The following SYTL2 variants were observed in gnomAD, a reference collection of about 807,000 sequenced individuals.
SYTL2 encodes the protein synaptotagmin like 2.
In SYTL2, 165 loss-of-function variants were observed where a neutral mutation model predicts 198.7. The ratio of observed to expected loss-of-function variants is 0.83; its 90% CI spans 0.73 to 0.94. SYTL2 has a LOEUF of 0.94. SYTL2 is among the 40% of genes least tolerant of loss of function. The pLI is 0.00. For synonymous variants in SYTL2, 966 were observed against 917.7 expected (o/e 1.05, Z -0.95); for missense variants, 2,835 against 2,582.8 (o/e 1.10, Z -2.12).
At chr11:85,696,453 C>G (rs1400599800) in intron 18 of SYTL2, 65 bp from the exon 19 acceptor site, 2 of 1,217,602 alleles carry the variant, frequency 1.6e-6, no homozygotes, top group Non-Finnish European at 2.4e-6. Flanking sequence ...GCTTTCAATA[C>G]ATAACAACAC....
At chr11:85,751,312 A>G (rs1446547046) in intron 2 of SYTL2, among the ~76,000 whole-genome samples, 1 of 152,196 alleles carries the variant, frequency 6.6e-6, no homozygotes, top group Non-Finnish European at 1.5e-5. Flanking sequence ...GTAAAGATGT[A>G]GATCATTTTT....
At position 85,726,084 on chromosome 11, in the gene SYTL2, C is replaced by T; in HGVS notation, c.3274G>A (p.Glu1092Lys). 6.2e-7 allele frequency: 1 copy of T among 1,613,574 alleles called. No individual in the cohort carries two copies. ...PGNESSKENV[E>K]KNTEGIVTPV... ...GTAACAATCCCTTCCGTATTCTTTT[C>T]CACATTTTCCTTTGATGACTCATTT... The change falls in exon 8 of 20, where the codon GAA (glutamate) becomes AAA (lysine). Residue 1092 changes from glutamate to lysine, a missense_variant. This residue lies in a region of SYTL2 where 2,645 missense variants were observed against 2,381.7 expected (regional missense o/e 1.11). Transcript: ENST00000359152.
rs375941893 is a variant in SYTL2 at position 85,725,948 on chromosome 11, T to C, written c.3410A>G (p.Gln1137Arg). The C allele has an allele frequency of 1.1e-5, 17 of 1,614,074 alleles. No homozygotes were observed. The highest frequency in any genetic ancestry group is 1.4e-5 in the Non-Finnish European group (16 of 1,180,030). Residue 1137 changes from glutamine (Q) to arginine (R), a missense_variant, in exon 8 of 20, where the codon CAG becomes CGG. Gln to Arg is a conservative substitution (Grantham distance 43). This residue lies in a region of SYTL2 where 2,645 missense variants were observed against 2,381.7 expected (regional missense o/e 1.11). Coordinates refer to ENST00000359152, the MANE Select transcript of SYTL2 (RefSeq NM_206927.4). ...TGTTGAGGTTTCTGAAAGCAGTTTC[T>C]GCAAGCTGTCATTAAAAGTGTCTTT... ...DCKDTFNDSLQKLLSETSTPA... is the reference protein window; with the variant it reads ...DCKDTFNDSLRKLLSETSTPA...
Position 85,724,315 on chromosome 11 carries a change from G to A in SYTL2, c.5043C>T (p.Pro1681=). Residue 1681 remains proline (P), a synonymous_variant, in exon 8 of 20, where the codon CCC becomes CCT. Transcript: ENST00000359152. ...CACTTTCACTGTCCCTGTCCTCTGG[G>A]GGGGTTACAGTTTTAATGGTCCCTA... ...HEIGTIKTVT[P]PEDRDSESGV... 1 of 1,578,196 alleles carries A rather than the reference G, an allele frequency of 6.3e-7. No homozygotes were observed. The highest frequency in any genetic ancestry group is 8.6e-7 in the Non-Finnish European group (1 of 1,165,380).
At chr11:85,715,745 CAAT>C (rs1265098007) in intron 11 of SYTL2, among the ~76,000 whole-genome samples, 7 of 152,146 alleles carry the variant, frequency 4.6e-5, no homozygotes, top group Non-Finnish European at 1.0e-4. Flanking sequence ...CATGAAACAA[CAAT>C]GTGTGTGTAT....
chr11:85,850,305 C>G, the SYTL2 span, among the ~76,000 whole-genome samples: 1 of 151,908 alleles, frequency 6.6e-6, no homozygotes, highest in African/African-American at 2.4e-5. Flanking sequence ...ATTGCCCTGG[C>G]CAGAACTTCC....
chr11:85,763,000 C>T (rs188735973), intron 1 of SYTL2, among the ~76,000 whole-genome samples: 12 of 152,162 alleles, frequency 7.9e-5, no homozygotes, highest in Non-Finnish European at 1.5e-4. Flanking sequence ...CTTCTATTTC[C>T]CCCTGAACAT....
chr11:85,783,892 T>G (rs2092599737), intron 1 of SYTL2, among the ~76,000 whole-genome samples: 1 of 152,154 alleles, frequency 6.6e-6, no homozygotes, highest in Non-Finnish European at 1.5e-5. Context: ...TCTTGCTCCT[T>G]TCTCTATGAT....
At position 85,750,904 on chromosome 11, in the gene SYTL2, A is replaced by G. The variant is rs536737952; in HGVS notation, c.102-2481T>C. Among the ~76,000 whole-genome samples, 9 of 152,304 alleles carry G rather than the reference A, an allele frequency of 5.9e-5. 1 individual carries two copies. In the South Asian group the frequency reaches 1.9e-3, roughly 32 times the overall value. On this transcript the variant is annotated intron_variant, in intron 2 of 19. Transcript: ENST00000359152. ...GTTGAAGGAGGCCACAAACCCTTAT[A>G]GCAGAACAACACCCAATTTCTTTTC...
chr11:85,741,055 T>C (rs2090748665), intron 4 of SYTL2, among the ~76,000 whole-genome samples: 1 of 151,754 alleles, frequency 6.6e-6, no homozygotes, highest in South Asian at 2.1e-4. Flanking sequence ...TAGTAGCAGA[T>C]ATGCCTTTTT....
chr11:85,804,047 A>C lies in SYTL2; in HGVS notation c.-390+6907T>G, dbSNP rs1169545223. On this transcript the variant is annotated intron_variant, in intron 1 of 19. Coordinates refer to ENST00000359152, the MANE Select transcript of SYTL2 (RefSeq NM_206927.4). ...AAATTATGTGATTTACCTGTATTCAACTTCCTAAACACAACACTTCAGTTA... is the reference window on the plus strand; with the variant it reads ...AAATTATGTGATTTACCTGTATTCACCTTCCTAAACACAACACTTCAGTTA... Among the ~76,000 whole-genome samples, 4 of 152,246 alleles carry C rather than the reference A, an allele frequency of 2.6e-5. No homozygotes were observed. In the East Asian group the frequency reaches 7.7e-4, roughly 29 times the overall value.
At chr11:85,805,935 G>C (rs773392318) in intron 1 of SYTL2, among the ~76,000 whole-genome samples, 9 of 152,168 alleles carry the variant, frequency 5.9e-5, no homozygotes, top group Non-Finnish European at 1.2e-4. Context: ...ATTAGGAAAT[G>C]CTCTTATTTT....
At chr11:85,717,106 C>T (rs499049) in intron 11 of SYTL2, 155,792 of 156,038 alleles carry the variant, frequency 1, 77,776 homozygotes, top group Middle Eastern at 1. Flanking sequence ...CAGTTTCGTA[C>T]AGAGGCCACA....
the SYTL2 span, among the ~76,000 whole-genome samples, chr11:85,838,309 T>C: frequency 6.6e-6 from 1 of 152,194 alleles, no homozygotes; most frequent in African/African-American, 2.4e-5. Flanking sequence ...TGGGAGATAG[T>C]ATGTATCCAT....
chr11:85,785,963 C>A (rs564324769), intron 1 of SYTL2, among the ~76,000 whole-genome samples: 77 of 152,178 alleles, frequency 5.1e-4, no homozygotes, highest in Non-Finnish European at 8.5e-4. Context: ...CCTGTTCATT[C>A]CAGCTTTATT....
At chr11:85,701,271 A>G (rs933355360) in intron 16 of SYTL2, among the ~76,000 whole-genome samples, 2 of 152,226 alleles carry the variant, frequency 1.3e-5, no homozygotes, top group South Asian at 4.1e-4. Context: ...TCTAAACACA[A>G]AATTCATTTA....
Position 85,725,608 on chromosome 11 carries a change from T to C in SYTL2, c.3750A>G (p.Gly1250=). 1 of 1,614,130 alleles carries C rather than the reference T, an allele frequency of 6.2e-7. No individual in the cohort carries two copies. Among genetic ancestry groups the C allele is most frequent in the Non-Finnish European group, 8.5e-7 (1 of 1,180,028 alleles). ...TATTGTGACTCTGTTCTATCCCTTTTCCAAAAAATCTCCCCTCTTCCAGCT... is the reference window on the plus strand; with the variant it reads ...TATTGTGACTCTGTTCTATCCCTTTCCCAAAAAATCTCCCCTCTTCCAGCT... The part of the protein sequence containing the change: ...NSKLEEGRFF[G]KGIEQSHNTS... Residue 1250 remains glycine (G), a synonymous_variant, in exon 8 of 20, where the codon GGA becomes GGG. Coordinates refer to ENST00000359152, the MANE Select transcript of SYTL2 (RefSeq NM_206927.4).
intron 4 of SYTL2, among the ~76,000 whole-genome samples, chr11:85,745,205 T>C (rs1021359005): frequency 1.3e-5 from 2 of 152,190 alleles, no homozygotes; most frequent in African/African-American, 4.8e-5. Flanking sequence ...GATTCGGCAA[T>C]TGAATTCACA....
intron 4 of SYTL2, among the ~76,000 whole-genome samples, chr11:85,744,721 C>A (rs2091030794): frequency 6.6e-6 from 1 of 152,156 alleles, no homozygotes; most frequent in African/African-American, 2.4e-5. Context: ...CCAGTAAATT[C>A]ATCAACTTCA....
Sources: gnomAD v4.1 joint callset for allele counts (sites outside exome capture counted in the v4.1 genomes callset) on GRCh38, gnomAD v4.1.1 for gene constraint, gnomAD v4.1.1 regional missense constraint, MANE v1.5 for transcripts, NCBI Gene and HGNC (gene_info 2026-07-23, HGNC 2026-07-21) for gene names.